Variants in EXOC6 observed in about 807,000 individuals in gnomAD.
EXOC6 encodes the protein exocyst complex component 6.
In EXOC6, 60 loss-of-function variants were observed where a neutral mutation model predicts 112.5. The ratio of observed to expected loss-of-function variants is 0.53; its 90% CI spans 0.43 to 0.66. The LOEUF (loss-of-function observed/expected upper bound fraction) is 0.66. EXOC6 is among the 30% of genes least tolerant of loss of function. EXOC6 has a pLI of 0.00. For synonymous variants in EXOC6, 295 were observed against 308.0 expected, an observed-to-expected ratio of 0.96 and a Z score of 0.44; for missense variants, 855 against 957.1, an observed-to-expected ratio of 0.89 and a Z score of 1.41.
intron 17 of EXOC6, among the ~76,000 whole-genome samples, chr10:92,967,698 T>C (rs947589975): frequency 1.3e-5 from 2 of 152,140 alleles, no homozygotes; most frequent in Non-Finnish European, 2.9e-5. Context: ...AAAGAAATCA[T>C]AAATAGTGGT....
chr10:93,035,145 G>T (rs999068148), intron 20 of EXOC6, among the ~76,000 whole-genome samples: 2 of 152,178 alleles, frequency 1.3e-5, no homozygotes, highest in African/African-American at 4.8e-5. Context: ...GCCCTTTTGG[G>T]AAAGCTTAGA....
chr10:93,005,960 G>A (rs1843958775), intron 19 of EXOC6, among the ~76,000 whole-genome samples: 1 of 152,112 alleles, frequency 6.6e-6, no homozygotes, highest in Non-Finnish European at 1.5e-5. Flanking sequence ...AGGGGTTCGA[G>A]ACCAGCCTGG....
rs1849679621 is a variant in EXOC6 at position 92,895,001 on chromosome 10, A to G, written c.393A>G (p.Lys131=). 6.2e-7 allele frequency: 1 copy of G among 1,609,296 alleles called. No homozygotes were observed. The highest frequency in any genetic ancestry group is 1.3e-5 in the African/African-American group (1 of 74,950). The part of the protein sequence containing the change: ...QQRNITTVVE[K]LQLCLPVLEM... The stretch of plus-strand genomic sequence containing the variant: ...GAAATATTACAACTGTAGTAGAAAA[A>G]TTGCAGTTATGCCTTCCTGGTGAGT... Residue 131 remains lysine, a synonymous_variant, in exon 4 of 22, where the codon AAA becomes AAG. Coordinates refer to ENST00000260762, the MANE Select transcript of EXOC6 (RefSeq NM_019053.6).
At chr10:92,994,334 C>T (rs1392455750) in intron 18 of EXOC6, among the ~76,000 whole-genome samples, 1 of 152,042 alleles carries the variant, frequency 6.6e-6, no homozygotes, top group African/African-American at 2.4e-5. Context: ...AAAAGCTTTT[C>T]GGTAATGCAA....
At chr10:93,010,353 G>A (rs1844181642) in intron 19 of EXOC6, among the ~76,000 whole-genome samples, 1 of 152,128 alleles carries the variant, frequency 6.6e-6, no homozygotes, top group South Asian at 2.1e-4. Flanking sequence ...CAGAAAACCT[G>A]AATTAGTTAT....
At chr10:92,904,752 A>G (rs1256990707) in intron 5 of EXOC6, among the ~76,000 whole-genome samples, 1 of 152,008 alleles carries the variant, frequency 6.6e-6, no homozygotes, top group Admixed American at 6.6e-5. Context: ...TTTTCTTAAC[A>G]GTGTTTTTAA....
At chr10:93,026,233 C>T (rs150817113) in intron 20 of EXOC6, among the ~76,000 whole-genome samples, 6 of 152,298 alleles carry the variant, frequency 3.9e-5, no homozygotes, top group East Asian at 3.9e-4. Context: ...AACATATGCA[C>T]ACATTTCCGT....
intron 20 of EXOC6, among the ~76,000 whole-genome samples, chr10:93,055,272 A>C (rs1752406200): frequency 3.3e-5 from 5 of 152,260 alleles, no homozygotes. Context: ...GTAAACATTA[A>C]TTTTAATAAC....
upstream of EXOC6, among the ~76,000 whole-genome samples, chr10:92,833,654 A>G (rs894301248): frequency 6.6e-6 from 1 of 152,194 alleles, no homozygotes; most frequent in African/African-American, 2.4e-5. Flanking sequence ...ACAAACGTCA[A>G]TTTTTGGTCA....
chr10:92,961,413 G>T (rs994235130), intron 17 of EXOC6, among the ~76,000 whole-genome samples: 15 of 152,078 alleles, frequency 9.9e-5, no homozygotes, highest in Non-Finnish European at 1.9e-4. Flanking sequence ...GCAGTTTTAT[G>T]CTTACAGCTG....
chr10:92,856,867 C>T (rs973588918), intron 1 of EXOC6, among the ~76,000 whole-genome samples: 2 of 152,056 alleles, frequency 1.3e-5, no homozygotes, highest in Non-Finnish European at 2.9e-5. Context: ...GACCATTTGC[C>T]GTCATAAAAT....
chr10:92,897,047 C>T (rs914145729), intron 4 of EXOC6, among the ~76,000 whole-genome samples: 1 of 152,154 alleles, frequency 6.6e-6, no homozygotes, highest in Non-Finnish European at 1.5e-5. Context: ...CTCTTTGCCA[C>T]CGTCAGGTGC....
intron 14 of EXOC6, among the ~76,000 whole-genome samples, 194 bp downstream of exon 14, chr10:92,948,573 C>CT (rs1554900785): frequency 2.1e-5 from 3 of 140,184 alleles, no homozygotes; most frequent in Non-Finnish European, 4.6e-5. Context: ...CTACTACTAC[C>CT]ACTACTACTA....
chr10:93,021,971 G>C (rs1375700603), intron 20 of EXOC6, among the ~76,000 whole-genome samples: 2 of 152,104 alleles, frequency 1.3e-5, no homozygotes, highest in East Asian at 3.8e-4. Context: ...TGTTCATAAG[G>C]ATTCTGTTCT....
intron 14 of EXOC6, among the ~76,000 whole-genome samples, chr10:92,950,693 G>A (rs2134004657): frequency 6.6e-6 from 1 of 152,324 alleles, no homozygotes; most frequent in South Asian, 2.1e-4. Context: ...GAAAGGACCA[G>A]ACCATAATGG....
At chr10:93,003,979 A>G (rs1843870023) in intron 19 of EXOC6, among the ~76,000 whole-genome samples, 1 of 152,216 alleles carries the variant, frequency 6.6e-6, no homozygotes, top group Non-Finnish European at 1.5e-5. Flanking sequence ...CTTTTTAATT[A>G]GGACCATGAC....
intron 19 of EXOC6, among the ~76,000 whole-genome samples, chr10:93,004,318 A>G (rs1337210881): frequency 6.6e-6 from 1 of 150,718 alleles, no homozygotes. Context: ...TAAAAGGTCT[A>G]CAGATGTTTG....
rs532197126 is a variant in EXOC6 at position 92,992,814 on chromosome 10, A to G, written c.1954-4660A>G. ...AAAGAGCTACAATTTATAACATTTT[A>G]AAATACACATACTCTTTAGGAGAGC... is the stretch of plus-strand genomic sequence containing the variant. On this transcript the variant is annotated intron_variant, in intron 18 of 21. Coordinates refer to ENST00000260762, the MANE Select transcript of EXOC6 (RefSeq NM_019053.6). Among the ~76,000 whole-genome samples the G allele has an allele frequency of 4.6e-5, 7 of 152,036 alleles. No homozygotes were observed. In the South Asian group the frequency reaches 6.2e-4, roughly 14 times the overall value.
intron 7 of EXOC6, among the ~76,000 whole-genome samples, chr10:92,919,188 G>T (rs1396874779): frequency 6.6e-6 from 1 of 152,102 alleles, no homozygotes; most frequent in African/African-American, 2.4e-5. Context: ...TCACCATCAT[G>T]CCTTACCCCC....
Sources: gnomAD v4.1 joint callset for allele counts (sites outside exome capture counted in the v4.1 genomes callset) on GRCh38, gnomAD v4.1.1 for gene constraint, MANE v1.5 for transcripts, NCBI Gene and HGNC (gene_info 2026-07-23, HGNC 2026-07-21) for gene names.